The following EEF1A2 variants were observed in gnomAD, a reference collection of about 807,000 sequenced individuals.
EEF1A2 encodes the protein elongation factor 1-alpha 2.
Under a neutral mutation model 39.3 loss-of-function variants are expected in EEF1A2, and 5 were observed. That is an observed-to-expected ratio of 0.13 (90% confidence interval 0.07 to 0.27). The LOEUF is 0.27. Among genes scored for constraint, EEF1A2 ranks in the 10% least tolerant of loss-of-function variants. EEF1A2 has a pLI of 1.00. For missense variants in EEF1A2, 218 were observed against 681.4 expected, an observed-to-expected ratio of 0.32 and a Z score of 7.57; for synonymous variants, 287 against 293.7, an observed-to-expected ratio of 0.98 and a Z score of 0.23.
At position 63,488,912 on chromosome 20, in the gene EEF1A2, G is replaced by A. The variant is rs2082365851; in HGVS notation, c.1264+6C>T. On this transcript the variant is annotated splice_donor_region_variant and intron_variant, in intron 7 of 7. Transcript: ENST00000217182. ...GGCTGCACCTCCCCGGACCACCCCG[G>A]CTCACCGAGAGGCGGGTACTGGGAG... The A allele has an allele frequency of 6.2e-7, 1 of 1,608,924 alleles. No homozygotes were observed. Among genetic ancestry groups the A allele is most frequent in the Non-Finnish European group, 8.5e-7 (1 of 1,179,616 alleles).
Position 63,498,084 on chromosome 20 carries a change from G to T in EEF1A2, c.-71-250C>A. On this transcript the variant is annotated intron_variant, in intron 1 of 7. Transcript: ENST00000217182. The surrounding 1 kb of genome is among the most constrained non-coding windows in gnomAD (Gnocchi z 4.1). ...TGTAAATAACTGGGCGTTGGAGCCC[G>T]CGGGCTGCTCCTTGGGAAGGGGTTA... is the stretch of plus-strand genomic sequence containing the variant. The T allele has an allele frequency of 3.9e-6, 1 of 253,714 alleles. No homozygotes were observed. Among genetic ancestry groups the T allele is most frequent in the Non-Finnish European group, 7.6e-6 (1 of 132,430 alleles). 15.7% of individuals were successfully genotyped at this position (253,714 alleles called of 1,614,324 possible).
Position 63,493,283 on chromosome 20 carries a change from G to C in EEF1A2, c.626C>G (p.Pro209Arg), listed in dbSNP as rs768753735. Reference protein sequence around the residue: ...DNMLEPSPNMPWFKGWKVERK... With the variant: ...DNMLEPSPNMRWFKGWKVERK... ...CTCCACCTTCCAGCCCTTGAACCAC[G>C]GCATCTGGACCAAAGGGAGAAAATC... is the stretch of plus-strand genomic sequence containing the variant. Residue 209 changes from proline to arginine, a missense_variant, in exon 5 of 8, where the codon CCG becomes CGG. By Grantham distance (103) the Pro-to-Arg change is moderately radical (BLOSUM62 -2). Coordinates refer to ENST00000217182, the MANE Select transcript of EEF1A2 (RefSeq NM_001958.5). The C allele has an allele frequency of 6.6e-7, 1 of 1,517,260 alleles. No individual in the cohort carries two copies. The highest frequency in any genetic ancestry group is 8.9e-7 in the Non-Finnish European group (1 of 1,126,786). 94.0% of individuals were successfully genotyped at this position (1,517,260 alleles called of 1,614,324 possible). A position where few individuals can be genotyped will look rare whatever the true frequency, so the allele number is the denominator to read the frequency against.
chr20:63,498,277 G>A lies in EEF1A2; in HGVS notation c.-71-443C>T, dbSNP rs1022507507. 4 of 152,770 alleles carry A rather than the reference G, an allele frequency of 2.6e-5. No homozygotes were observed. Among genetic ancestry groups the A allele is most frequent in the East Asian group, 1.9e-4 (1 of 5,150 alleles). The allele number at this position is 152,770 out of a possible 1,614,324, so 9.5% of individuals were successfully genotyped here. A position where few individuals can be genotyped will look rare whatever the true frequency, so the allele number is the denominator to read the frequency against. On this transcript the variant is annotated intron_variant, in intron 1 of 7. Transcript: ENST00000217182. This position sits in a 1 kb window ranked among gnomAD's most constrained non-coding sequence, Gnocchi z 4.1. ...CGCCCCACCCCCACCCGCTGCCACCGGGGAGAGATGGCCACTGCTCCCCAC... is the reference window on the plus strand; with the variant it reads ...CGCCCCACCCCCACCCGCTGCCACCAGGGAGAGATGGCCACTGCTCCCCAC...
In EEF1A2 at chr20:63,497,270, C is replaced by T; in HGVS notation, c.144+350G>A. ...GGACAAGTGAGGGCAGTACCATCTC[C>T]AGCCCCAGCCTTGGCCCTGGGGGGA... On this transcript the variant is annotated intron_variant, in intron 2 of 7. Coordinates refer to ENST00000217182, the MANE Select transcript of EEF1A2 (RefSeq NM_001958.5). This position sits in a 1 kb window ranked among gnomAD's most constrained non-coding sequence, Gnocchi z 7.3. 1 of 222,568 alleles carries T rather than the reference C, an allele frequency of 4.5e-6. No homozygotes were observed. The allele number at this position is 222,568 out of a possible 1,614,324, so 13.8% of individuals were successfully genotyped here.
intron 5 of EEF1A2, 71 bp from the exon 6 acceptor site, chr20:63,490,806 G>C (rs1157873698): frequency 6.6e-7 from 1 of 1,523,422 alleles, no homozygotes; most frequent in East Asian, 2.3e-5. Flanking sequence ...TTCGGGGACA[G>C]AGCCTGGAAA....
At chr20:63,493,826 G>T (rs984278678) in intron 4 of EEF1A2, among the ~76,000 whole-genome samples, 1 of 152,260 alleles carries the variant, frequency 6.6e-6, no homozygotes, top group Admixed American at 6.5e-5. Context: ...ACAGGGAGCA[G>T]GGGAGGGGGC....
chr20:63,496,084 G>T, intron 2 of EEF1A2, 49 bp from the exon 3 acceptor site: 2 of 1,599,822 alleles, frequency 1.3e-6, no homozygotes, highest in African/African-American at 1.3e-5. Context: ...GGACCCAGGA[G>T]TCCCTGGTGG....
intron 7 of EEF1A2, among the ~76,000 whole-genome samples, 198 bp from the exon 8 acceptor site, chr20:63,488,623 C>A (rs1295810227): frequency 5.3e-5 from 8 of 151,788 alleles, no homozygotes; most frequent in Non-Finnish European, 1.2e-4. Context: ...GGGGCGGCCA[C>A]GGGGCGGGGG....
At chr20:63,488,888 G>A in intron 7 of EEF1A2, 30 bp downstream of exon 7, 2 of 1,603,274 alleles carry the variant, frequency 1.2e-6, no homozygotes, top group Non-Finnish European at 1.7e-6. Flanking sequence ...CAGCCTGGGG[G>A]CTGCACCTCC....
chr20:63,498,555 G>A lies in EEF1A2; in HGVS notation c.-72+503C>T, dbSNP rs1289364065. ...ATGCCCTCGGCCCCGTGGGGGTATA[G>A]GGGGCACCCTCCCTCCCCCCCTCCC... On this transcript the variant is annotated intron_variant, in intron 1 of 7. Coordinates refer to ENST00000217182, the MANE Select transcript of EEF1A2 (RefSeq NM_001958.5). This position sits in a 1 kb window ranked among gnomAD's most constrained non-coding sequence, Gnocchi z 4.1. 2.6e-5 allele frequency: 4 copies of A among 152,230 alleles called. No homozygotes were observed. The highest frequency in any genetic ancestry group is 7.3e-5 in the African/African-American group (3 of 41,080). The allele number at this position is 152,230 out of a possible 1,614,324, so 9.4% of individuals were successfully genotyped here. A position where few individuals can be genotyped will look rare whatever the true frequency, so the allele number is the denominator to read the frequency against.
rs773035509 is a variant in EEF1A2 at position 63,497,408 on chromosome 20, G to A, written c.144+212C>T. 8 of 650,790 alleles carry A rather than the reference G, an allele frequency of 1.2e-5. No individual in the cohort carries two copies. The highest frequency in any genetic ancestry group is 3.4e-5 in the East Asian group (1 of 29,098). 40.3% of individuals were successfully genotyped at this position (650,790 alleles called of 1,614,324 possible). ...CACCACAGGGCAAGTCCGGCAGCTC[G>A]ATGGCCACCCCTCCCCCACCAAGCT... On this transcript the variant is annotated intron_variant, in intron 2 of 7. Coordinates refer to ENST00000217182, the MANE Select transcript of EEF1A2 (RefSeq NM_001958.5). This position sits in a 1 kb window ranked among gnomAD's most constrained non-coding sequence, Gnocchi z 7.3.
rs910947 is a variant in EEF1A2, at chr20:63,497,224, G to A, written c.144+396C>T. On this transcript the variant is annotated intron_variant, in intron 2 of 7. Transcript: ENST00000217182. The surrounding 1 kb of genome is among the most constrained non-coding windows in gnomAD (Gnocchi z 7.3). Reference sequence around the variant, plus strand: ...CCATCAATCAGCTATTAATAGTAGCGTGTGCCCTGGCAGGGCCCTAGGACA... The same window carrying A: ...CCATCAATCAGCTATTAATAGTAGCATGTGCCCTGGCAGGGCCCTAGGACA... 8.9e-3 allele frequency: 1,492 copies of A among 167,260 alleles called. 17 individuals carry two copies. Among genetic ancestry groups the A allele is most frequent in the African/African-American group, 0.034 (1,419 of 41,952 alleles). The allele number at this position is 167,260 out of a possible 1,614,324, so 10.4% of individuals were successfully genotyped here. A position where few individuals can be genotyped will look rare whatever the true frequency, so the allele number is the denominator to read the frequency against.
intron 5 of EEF1A2, among the ~76,000 whole-genome samples, chr20:63,492,295 T>G (rs62651376): frequency 1 from 110,421 of 110,480 alleles, 55,186 homozygotes; most frequent in Middle Eastern, 1. Flanking sequence ...GATGGGTGGG[T>G]AGGTGGGTGA....
chr20:63,489,197 G>C (rs1347826686), intron 6 of EEF1A2, 45 bp from the exon 7 acceptor site: 2 of 1,584,092 alleles, frequency 1.3e-6, no homozygotes, highest in East Asian at 4.5e-5. Context: ...TCGGCGGTGG[G>C]CACCGGGAGG....
intron 4 of EEF1A2, 97 bp downstream of exon 4, chr20:63,494,708 A>G: frequency 1.4e-6 from 2 of 1,448,838 alleles, no homozygotes; most frequent in Non-Finnish European, 9.2e-7. Context: ...TCCCGGGGAC[A>G]GGCCCTCGAC....
At chr20:63,494,171 G>A (rs2082405470) in intron 4 of EEF1A2, among the ~76,000 whole-genome samples, 1 of 152,220 alleles carries the variant, frequency 6.6e-6, no homozygotes, top group African/African-American at 2.4e-5. Flanking sequence ...GCCTAGTGGT[G>A]GCCATTCTGG....
chr20:63,495,093 G>T lies in EEF1A2; in HGVS notation c.333C>A (p.Cys111Ter). ...CGCCCGCCGCCACGATCAGCACTGCGCAGTCCGCCTGCCCGGCAGGGGACA... is the reference window on the plus strand; with the variant it reads ...CGCCCGCCGCCACGATCAGCACTGCTCAGTCCGCCTGCCCGGCAGGGGACA... ...NMITGTSQAD[C>*]AVLIVAAGVG... The change falls in exon 4 of 8, where the codon TGC becomes TGA. Residue 111 changes from cysteine to a stop codon, truncating the protein, a stop_gained. Coordinates refer to ENST00000217182, the MANE Select transcript of EEF1A2 (RefSeq NM_001958.5). LOFTEE classifies it high-confidence loss of function. 1 of 1,608,782 alleles carries T rather than the reference G, an allele frequency of 6.2e-7. No homozygotes were observed.
At chr20:63,495,132 C>T in intron 3 of EEF1A2, 31 bp from the exon 4 acceptor site, 1 of 1,596,006 alleles carries the variant, frequency 6.3e-7, no homozygotes, top group Non-Finnish European at 8.5e-7. Context: ...TGAGCCCTGC[C>T]CCGCCTGCCT....
chr20:63,490,412 C>T (rs963282819), intron 6 of EEF1A2, 67 bp downstream of exon 6: 24 of 1,548,012 alleles, frequency 1.6e-5, no homozygotes, highest in Non-Finnish European at 2.1e-5. Flanking sequence ...CGACAGCAGC[C>T]TCACCCAGGA....
Sources: gnomAD v4.1 joint callset for allele counts (sites outside exome capture counted in the v4.1 genomes callset) on GRCh38, gnomAD v4.1.1 for gene constraint, Gnocchi (gnomAD v3.1) non-coding constraint, MANE v1.5 for transcripts, NCBI Gene and HGNC (gene_info 2026-07-23, HGNC 2026-07-21) for gene names.